NRXN1: variants seen among roughly 807,000 people sequenced by gnomAD.
NRXN1 encodes neurexin 1, also known as neurexin-1.
A neutral mutation model predicts 150.9 loss-of-function variants in NRXN1; 39 were observed. The observed-to-expected ratio is 0.26, with a 90% confidence interval of 0.20 to 0.34. The LOEUF (loss-of-function observed/expected upper bound fraction) is 0.34, where lower values mean the gene tolerates loss of function less well. NRXN1 is among the 10% of genes least tolerant of loss of function. NRXN1 has a pLI of 1.00. For synonymous variants in NRXN1, 924 were observed against 757.0 expected, an observed-to-expected ratio of 1.22 and a Z score of -3.62; for missense variants, 1,815 against 1,949.9, an observed-to-expected ratio of 0.93 and a Z score of 1.30.
chr2:50,320,978 G>T (rs1161806816), intron 17 of NRXN1, among the ~76,000 whole-genome samples: 4 of 152,112 alleles, frequency 2.6e-5, no homozygotes, highest in Non-Finnish European at 4.4e-5. Flanking sequence ...AATCTGTGGT[G>T]GCAAATTAAG....
At chr2:49,986,287 G>A (rs762710026) in intron 21 of NRXN1, among the ~76,000 whole-genome samples, 1 of 152,124 alleles carries the variant, frequency 6.6e-6, no homozygotes, top group Non-Finnish European at 1.5e-5. Flanking sequence ...TATTGTTTAT[G>A]TAGATTACAT....
At chr2:50,960,876 A>G (rs1693061567) in intron 2 of NRXN1, among the ~76,000 whole-genome samples, 1 of 152,014 alleles carries the variant, frequency 6.6e-6, no homozygotes, top group Non-Finnish European at 1.5e-5. Context: ...TTCTCTACTG[A>G]GTTCTCACAA....
chr2:51,015,699 T>C (rs1668561115), intron 2 of NRXN1, among the ~76,000 whole-genome samples: 2 of 151,824 alleles, frequency 1.3e-5, no homozygotes, highest in South Asian at 4.2e-4. Context: ...AAAAAATACA[T>C]TGTGATAGAA....
chr2:50,160,014 A>T (rs1324133509), intron 18 of NRXN1, among the ~76,000 whole-genome samples: 1 of 152,102 alleles, frequency 6.6e-6, no homozygotes, highest in Non-Finnish European at 1.5e-5. Context: ...TTAAAATATG[A>T]TATGTGAGGA....
intron 17 of NRXN1, among the ~76,000 whole-genome samples, chr2:50,336,685 T>C (rs2152989373): frequency 6.6e-6 from 1 of 152,300 alleles, no homozygotes; most frequent in African/African-American, 2.4e-5. Context: ...GTATTTGCCA[T>C]CTAGAATGAA....
chr2:50,034,429 G>A (rs987579564), intron 21 of NRXN1, among the ~76,000 whole-genome samples: 3 of 152,034 alleles, frequency 2.0e-5, no homozygotes, highest in African/African-American at 7.2e-5. Flanking sequence ...ACTTATAAGT[G>A]GGGGCTAAAT....
chr2:50,507,636 CAAAAAA>C (rs71404959), intron 12 of NRXN1, among the ~76,000 whole-genome samples: 1 of 107,508 alleles, frequency 9.3e-6, no homozygotes, highest in Non-Finnish European at 1.8e-5. Flanking sequence ...TCCGTCACCT[CAAAAAA>C]AAAAAAAAAA....
intron 15 of NRXN1, among the ~76,000 whole-genome samples, chr2:50,490,831 C>A (rs2091211071): frequency 6.6e-6 from 1 of 152,204 alleles, no homozygotes. Flanking sequence ...TTCTTATACT[C>A]TGTGAGGCCT....
intron 2 of NRXN1, among the ~76,000 whole-genome samples, chr2:50,964,883 G>A (rs947320575): frequency 6.6e-6 from 1 of 151,390 alleles, no homozygotes; most frequent in African/African-American, 2.4e-5. Flanking sequence ...TTTTAAATCA[G>A]GGGAGTGAAA....
chr2:50,614,640 A>AATATATAT (rs67833688), intron 8 of NRXN1, among the ~76,000 whole-genome samples: 4 of 143,320 alleles, frequency 2.8e-5, no homozygotes, highest in African/African-American at 1.0e-4. Flanking sequence ...GTATAATAAA[A>AATATATAT]ATATATATAT....
At chr2:50,079,221 G>A (rs900059756) in intron 19 of NRXN1, among the ~76,000 whole-genome samples, 1 of 151,822 alleles carries the variant, frequency 6.6e-6, no homozygotes, top group African/African-American at 2.4e-5. Context: ...CTGGCCCTTG[G>A]AAGTTTTTTC....
chr2:50,683,646 A>AAAAAAAAAAAAAATATAT lies in NRXN1; in HGVS notation c.833-60032_833-60031insATATATTTTTTTTTTTTT. 1.3e-3 allele frequency among the ~76,000 whole-genome samples: 19 copies of AAAAAAAAAAAAAATATAT among 14,904 alleles called. 1 individual carries two copies. Among genetic ancestry groups the AAAAAAAAAAAAAATATAT allele is most frequent in the African/African-American group, 5.4e-3 (15 of 2,780 alleles). The allele number at this position is 14,904 out of a possible 152,430, so 9.8% of individuals were successfully genotyped here. The stretch of plus-strand genomic sequence containing the variant: ...GACTCCGTCTCAAAAAAAAAAAAAA[A>AAAAAAAAAAAAAATATAT]ATATATATATATATATATATGTTAT... On this transcript the variant is annotated intron_variant, in intron 5 of 22. Transcript: ENST00000401669.
intron 9 of NRXN1, among the ~76,000 whole-genome samples, chr2:50,551,605 G>T (rs2105338876): frequency 6.6e-6 from 1 of 152,206 alleles, no homozygotes; most frequent in African/African-American, 2.4e-5. Flanking sequence ...AAGTAAAGAA[G>T]GAGAGTAGAT....
chr2:50,566,793 C>A (rs577152821), intron 8 of NRXN1, among the ~76,000 whole-genome samples: 1 of 152,218 alleles, frequency 6.6e-6, no homozygotes, highest in South Asian at 2.1e-4. Context: ...ATCACAGATG[C>A]GATTCTAGTG....
chr2:50,001,909 A>C (rs1683996311), intron 21 of NRXN1, among the ~76,000 whole-genome samples: 1 of 151,978 alleles, frequency 6.6e-6, no homozygotes, highest in Non-Finnish European at 1.5e-5. Context: ...ATCTTAGGAG[A>C]AAGGAGTGCC....
rs1667897646 is a variant in NRXN1, at chr2:49,919,842, A to ATAT, written c.*2099_*2101dup. On this transcript the variant is annotated 3_prime_UTR_variant, in exon 23 of 23. Coordinates refer to ENST00000401669, the MANE Select transcript of NRXN1 (RefSeq NM_001330078.2). The stretch of plus-strand genomic sequence containing the variant: ...AGTGGTGATTTGCTATGAATTATAC[A>ATAT]TATTTCTAAGGTGCTGTATGTCTGA... The ATAT allele has an allele frequency of 6.6e-6, 1 of 152,164 alleles. No individual in the cohort carries two copies. The highest frequency in any genetic ancestry group is 2.4e-5 in the African/African-American group (1 of 41,454). The allele number at this position is 152,164 out of a possible 1,614,324, so 9.4% of individuals were successfully genotyped here.
intron 18 of NRXN1, among the ~76,000 whole-genome samples, chr2:50,145,601 G>A (rs1001994359): frequency 1.3e-5 from 2 of 151,754 alleles, no homozygotes; most frequent in African/African-American, 4.8e-5. Context: ...GGGAGAAGAA[G>A]GAAGAGATTC....
chr2:50,391,977 C>T (rs2081741424), intron 17 of NRXN1, among the ~76,000 whole-genome samples: 1 of 152,126 alleles, frequency 6.6e-6, no homozygotes, highest in African/African-American at 2.4e-5. Context: ...AACATCTCTG[C>T]AGATTAATTT....
intron 17 of NRXN1, among the ~76,000 whole-genome samples, chr2:50,440,753 T>A (rs1378221107): frequency 2.0e-5 from 3 of 152,216 alleles, no homozygotes; most frequent in Admixed American, 2.0e-4. Flanking sequence ...TATTTTTTCC[T>A]TTGTGCTCAT....
Sources: gnomAD v4.1 joint callset for allele counts (sites outside exome capture counted in the v4.1 genomes callset) on GRCh38, gnomAD v4.1.1 for gene constraint, MANE v1.5 for transcripts, NCBI Gene and HGNC (gene_info 2026-07-23, HGNC 2026-07-21) for gene names.